The following LRP1B variants were observed in gnomAD, a reference collection of about 807,000 sequenced individuals.
LRP1B encodes the protein low-density lipoprotein receptor-related protein 1B.
In LRP1B, 217 loss-of-function variants were observed where a neutral mutation model predicts 556.6. That is an observed-to-expected ratio of 0.39 (90% CI 0.35 to 0.44). The LOEUF is 0.44. LRP1B is among the 20% of genes least tolerant of loss of function. The pLI, the probability that LRP1B is intolerant of heterozygous loss-of-function variation, is 1.00. For missense variants in LRP1B, 5,053 were observed against 5,620.8 expected (o/e 0.90, Z 3.23); for synonymous variants, 2,047 against 1,865.8 (o/e 1.10, Z -2.50).
At chr2:141,816,558 T>A (rs1696557290) in intron 1 of LRP1B, among the ~76,000 whole-genome samples, 1 of 152,152 alleles carries the variant, frequency 6.6e-6, no homozygotes, top group South Asian at 2.1e-4. Context: ...GCTTCCCTAC[T>A]TTTGAGGTTT....
chr2:140,485,277 A>T (rs2105362184), intron 59 of LRP1B, 66 bp downstream of exon 59: 1 of 1,252,336 alleles, frequency 8.0e-7, no homozygotes, highest in Non-Finnish European at 1.1e-6. Context: ...GATCTATAGT[A>T]CTAGATTTAC....
At chr2:140,901,034 T>G (rs2105219174) in intron 23 of LRP1B, among the ~76,000 whole-genome samples, 1 of 152,278 alleles carries the variant, frequency 6.6e-6, no homozygotes, top group South Asian at 2.1e-4. Flanking sequence ...TTTTTTAAAA[T>G]AATTTTTAAT....
At chr2:140,492,873 C>T (rs941718487) in intron 56 of LRP1B, among the ~76,000 whole-genome samples, 180 bp from the exon 57 acceptor site, 2 of 152,164 alleles carry the variant, frequency 1.3e-5, no homozygotes, top group Non-Finnish European at 1.5e-5. Flanking sequence ...AGGCAGCACA[C>T]GCCCAGGCAG....
chr2:140,375,236 C>T (rs1683175849), intron 68 of LRP1B, among the ~76,000 whole-genome samples: 1 of 143,848 alleles, frequency 7.0e-6, no homozygotes, highest in East Asian at 2.4e-4. Context: ...GTTTTTCTTT[C>T]TAATGCACAA....
intron 2 of LRP1B, among the ~76,000 whole-genome samples, chr2:141,562,566 C>T (rs1045865429): frequency 1.2e-4 from 18 of 151,896 alleles, no homozygotes; most frequent in African/African-American, 4.1e-4. Flanking sequence ...ATAATAAGGG[C>T]CAGAGAATAC....
intron 2 of LRP1B, among the ~76,000 whole-genome samples, chr2:141,732,074 A>C (rs1693293878): frequency 2.0e-5 from 3 of 152,054 alleles, no homozygotes. Context: ...TTTCAAGGTA[A>C]CCTCATCAAC....
At chr2:141,646,108 C>T (rs1483156) in intron 2 of LRP1B, among the ~76,000 whole-genome samples, 90,985 of 151,898 alleles carry the variant, frequency 0.6, 27,494 homozygotes, top group African/African-American at 0.67. Context: ...AACTAAGATT[C>T]CCCAAATTTC....
intron 1 of LRP1B, among the ~76,000 whole-genome samples, chr2:142,125,407 A>AT (rs1407166599): frequency 6.6e-6 from 1 of 151,774 alleles, no homozygotes; most frequent in Non-Finnish European, 1.5e-5. Context: ...ATTCAATACT[A>AT]TTGCAAGTAT....
intron 71 of LRP1B, among the ~76,000 whole-genome samples, chr2:140,368,281 T>C (rs1573853894): frequency 6.6e-6 from 1 of 151,830 alleles, no homozygotes; most frequent in East Asian, 1.9e-4. Flanking sequence ...TTAACAATAA[T>C]ACATCTAAAT....
intron 1 of LRP1B, among the ~76,000 whole-genome samples, chr2:142,087,119 C>T (rs567011314): frequency 2.0e-5 from 3 of 152,086 alleles, no homozygotes; most frequent in African/African-American, 7.2e-5. Context: ...TAATATGAAG[C>T]CCCTGTAGTT....
chr2:141,515,401 T>C (rs1388136585), intron 2 of LRP1B, among the ~76,000 whole-genome samples: 1 of 151,906 alleles, frequency 6.6e-6, no homozygotes, highest in Non-Finnish European at 1.5e-5. Flanking sequence ...GAGTTAAAGT[T>C]TACATCCACT....
Position 140,813,646 on chromosome 2 carries a change from AT to A in LRP1B, c.5359+10del. On this transcript the variant is annotated intron_variant, in intron 32 of 90. Transcript: ENST00000389484. The stretch of plus-strand genomic sequence containing the variant: ...TACAAAGCAACCAAGCTATAGAATA[AT>A]TTCACTTACCCATGATGGTTAGGGC... 6.2e-7 allele frequency: 1 copy of A among 1,612,266 alleles called. No homozygotes were observed. The highest frequency in any genetic ancestry group is 1.1e-5 in the South Asian group (1 of 90,860).
At chr2:140,859,856 G>A (rs1286819176) in intron 27 of LRP1B, among the ~76,000 whole-genome samples, 2 of 151,978 alleles carry the variant, frequency 1.3e-5, no homozygotes, top group African/African-American at 4.8e-5. Context: ...TTAGCCGAGT[G>A]TGGCGGCGGA....
chr2:140,253,454 A>G (rs1430842076), intron 86 of LRP1B, among the ~76,000 whole-genome samples: 1 of 152,082 alleles, frequency 6.6e-6, no homozygotes, highest in African/African-American at 2.4e-5. Context: ...AATGGAGGAG[A>G]AACATAAAAG....
At chr2:140,607,125 C>A (rs1286255867) in intron 41 of LRP1B, among the ~76,000 whole-genome samples, 3 of 151,968 alleles carry the variant, frequency 2.0e-5, no homozygotes, top group Non-Finnish European at 1.5e-5. Context: ...AAATAATGGG[C>A]AAATAATTTG....
chr2:140,644,278 T>C (rs1462307805), intron 41 of LRP1B, among the ~76,000 whole-genome samples: 1 of 152,206 alleles, frequency 6.6e-6, no homozygotes, highest in Non-Finnish European at 1.5e-5. Context: ...AGAAGATATA[T>C]ATTGTCCTTA....
intron 2 of LRP1B, among the ~76,000 whole-genome samples, chr2:141,579,264 T>C (rs1221313605): frequency 2.0e-5 from 3 of 152,182 alleles, no homozygotes; most frequent in Admixed American, 2.0e-4. Flanking sequence ...TTTGCACTCC[T>C]CGAAGCTGGC....
At chr2:141,591,170 T>G (rs1339955054) in intron 2 of LRP1B, among the ~76,000 whole-genome samples, 1 of 152,176 alleles carries the variant, frequency 6.6e-6, no homozygotes, top group Non-Finnish European at 1.5e-5. Flanking sequence ...TGATGCACTT[T>G]GCCCATTTTC....
intron 86 of LRP1B, among the ~76,000 whole-genome samples, chr2:140,248,183 G>A (rs929099214): frequency 5.3e-5 from 8 of 151,580 alleles, no homozygotes; most frequent in Non-Finnish European, 8.9e-5. Context: ...GATGCTATAC[G>A]AATTATTTGT....
Sources: allele counts gnomAD v4.1 joint callset (sites outside exome capture counted in the v4.1 genomes callset), GRCh38; gene constraint gnomAD v4.1.1; transcripts MANE v1.5; gene names NCBI Gene and HGNC (gene_info 2026-07-23, HGNC 2026-07-21).